NECTIN3: variants seen among roughly 807,000 people sequenced by gnomAD.
The protein encoded by NECTIN3 is nectin cell adhesion molecule 3.
NECTIN3 carries 8 observed loss-of-function variants against 49.4 expected under a neutral mutation model. That is an observed-to-expected ratio of 0.16 (90% confidence interval 0.10 to 0.29). The LOEUF (loss-of-function observed/expected upper bound fraction) is 0.29, where lower values mean the gene tolerates loss of function less well. NECTIN3 is among the 10% of genes least tolerant of loss of function. The pLI is 1.00. For missense variants in NECTIN3, 581 were observed against 654.6 expected (o/e 0.89, Z 1.23); for synonymous variants, 277 against 241.1 (o/e 1.15, Z -1.38).
At chr3:111,169,076 A>G (rs2035381359) in intron 7 of NECTIN3, among the ~76,000 whole-genome samples, 1 of 146,710 alleles carries the variant, frequency 6.8e-6, no homozygotes, top group African/African-American at 2.6e-5. Flanking sequence ...AGGACTATTC[A>G]AACTTTTTTT....
chr3:111,128,276 G>T (rs191677312), intron 5 of NECTIN3, among the ~76,000 whole-genome samples: 1 of 151,122 alleles, frequency 6.6e-6, no homozygotes, highest in East Asian at 1.9e-4. Context: ...GGCAGAGATT[G>T]CAGTGAGCCC....
intron 1 of NECTIN3, among the ~76,000 whole-genome samples, chr3:111,106,047 T>C (rs1435137283): frequency 2.6e-4 from 40 of 151,850 alleles, no homozygotes; most frequent in Non-Finnish European, 2.9e-5. Flanking sequence ...CTGTAGGTAC[T>C]TTCTTCACTT....
intron 1 of NECTIN3, among the ~76,000 whole-genome samples, chr3:111,193,048 A>G (rs1418426175): frequency 6.6e-6 from 1 of 152,202 alleles, no homozygotes; most frequent in Non-Finnish European, 1.5e-5. Context: ...GGAAAATATA[A>G]GTTGTTGAAC....
intron 7 of NECTIN3, among the ~76,000 whole-genome samples, chr3:111,162,226 TAAAAG>T: frequency 6.6e-6 from 1 of 152,178 alleles, no homozygotes; most frequent in East Asian, 1.9e-4. Flanking sequence ...CAGTCATAGT[TAAAAG>T]GAAATAGTTG....
chr3:111,101,120 C>A (rs1000482382), intron 1 of NECTIN3, among the ~76,000 whole-genome samples: 3 of 152,030 alleles, frequency 2.0e-5, no homozygotes, highest in Non-Finnish European at 4.4e-5. Flanking sequence ...TCAGATACCC[C>A]CTAAGGTCTC....
intron 1 of NECTIN3, among the ~76,000 whole-genome samples, chr3:111,103,467 T>TA (rs1327235718): frequency 6.6e-6 from 1 of 150,600 alleles, no homozygotes; most frequent in Non-Finnish European, 1.5e-5. Flanking sequence ...TTTTTTTTTT[T>TA]AAATTAACTT....
rs1576186922 is a variant in NECTIN3 at position 111,185,063 on chromosome 3, A to G, written c.1222-7288A>G. 2.6e-5 allele frequency among the ~76,000 whole-genome samples: 4 copies of G among 152,180 alleles called. No individual in the cohort carries two copies. The South Asian group carries it at 8.3e-4, about 32-fold the overall frequency. ...CTCCCTAGCAAATTTTCTTTCTCCA[A>G]CAGTTATTCTTTGCTCTGTGCATGC... On this transcript the variant is annotated intron_variant, in intron 7 of 8. Transcript: ENST00000493615.
chr3:111,122,230 G>A lies in NECTIN3; in HGVS notation c.909G>A (p.Val303=), dbSNP rs1330592832. 3.1e-6 allele frequency: 5 copies of A among 1,601,754 alleles called. No homozygotes were observed. The highest frequency in any genetic ancestry group is 1.7e-4 in the Middle Eastern group (1 of 6,058). Residue 303 remains valine (V), a synonymous_variant, in exon 4 of 6, where the codon GTG becomes GTA. Coordinates refer to ENST00000485303, the MANE Select transcript of NECTIN3 (RefSeq NM_015480.3). ...ADANPPPFKS[V]WSRLDGQWPD... is the part of the protein sequence containing the mutation. ...CAAATCCACCACCCTTCAAATCTGT[G>A]TGGAGCAGGTAATGTTATATACTTC...
intron 5 of NECTIN3, among the ~76,000 whole-genome samples, chr3:111,128,159 GA>G (rs956489710): frequency 6.6e-6 from 1 of 151,884 alleles, no homozygotes; most frequent in Non-Finnish European, 1.5e-5. Flanking sequence ...CCACTATGGT[GA>G]AAACCTGTCT....
intron 5 of NECTIN3, chr3:111,144,824 A>G (rs556918177): frequency 1.0e-4 from 150 of 1,439,030 alleles, no homozygotes; most frequent in African/African-American, 7.4e-4. Flanking sequence ...TAGTTTGCAC[A>G]TTGTAGAAAA....
At chr3:111,172,925 A>G (rs1219982859) in intron 7 of NECTIN3, among the ~76,000 whole-genome samples, 1 of 152,332 alleles carries the variant, frequency 6.6e-6, no homozygotes, top group East Asian at 1.9e-4. Context: ...TGCTTTGGAT[A>G]AAAAGTGATA....
At chr3:111,139,874 T>C (rs2034696510), downstream of NECTIN3, among the ~76,000 whole-genome samples, 1 of 151,762 alleles carries the variant, frequency 6.6e-6, no homozygotes, top group Admixed American at 6.6e-5. Context: ...TGATAATATA[T>C]TTAACATGTT....
intron 5 of NECTIN3, among the ~76,000 whole-genome samples, chr3:111,127,670 A>G (rs559939377): frequency 7.2e-5 from 11 of 151,986 alleles, no homozygotes; most frequent in South Asian, 4.2e-4. Flanking sequence ...GGCTCAAGCA[A>G]TCCTCCCACC....
intron 1 of NECTIN3, among the ~76,000 whole-genome samples, chr3:111,110,423 T>C (rs192092997): frequency 6.6e-6 from 1 of 152,158 alleles, no homozygotes; most frequent in Admixed American, 6.6e-5. Context: ...AAGAAAGTCA[T>C]GTGAGCTTTT....
At chr3:111,131,698 A>G (rs1183120317) in intron 5 of NECTIN3, among the ~76,000 whole-genome samples, 1 of 151,918 alleles carries the variant, frequency 6.6e-6, no homozygotes, top group Non-Finnish European at 1.5e-5. Flanking sequence ...ATTTGTGTTC[A>G]TATAAAGAAA....
downstream of NECTIN3, among the ~76,000 whole-genome samples, chr3:111,139,173 A>T (rs193262699): frequency 6.6e-6 from 1 of 151,852 alleles, no homozygotes; most frequent in Admixed American, 6.6e-5. Flanking sequence ...ACCTTTTTAG[A>T]AAGTAACCAC....
At chr3:111,109,807 A>T (rs1049960318) in intron 1 of NECTIN3, among the ~76,000 whole-genome samples, 2 of 151,968 alleles carry the variant, frequency 1.3e-5, no homozygotes, top group Admixed American at 6.6e-5. Context: ...TTTTAAAAAA[A>T]TTTTATCAGG....
At chr3:111,164,960 A>G (rs189233453) in intron 7 of NECTIN3, among the ~76,000 whole-genome samples, 1 of 152,312 alleles carries the variant, frequency 6.6e-6, no homozygotes, top group Non-Finnish European at 1.5e-5. Flanking sequence ...TGCCTGTTTC[A>G]TCTTTTATTG....
intron 5 of NECTIN3, among the ~76,000 whole-genome samples, chr3:111,127,460 ACTTT>A (rs2034208967): frequency 7.1e-6 from 1 of 141,494 alleles, no homozygotes; most frequent in African/African-American, 2.8e-5. Flanking sequence ...AGAGGTGCAA[ACTTT>A]CTTTTTTTTT....
Sources: gnomAD v4.1 joint callset for allele counts (sites outside exome capture counted in the v4.1 genomes callset) on GRCh38, gnomAD v4.1.1 for gene constraint, MANE v1.5 for transcripts, NCBI Gene and HGNC (gene_info 2026-07-23, HGNC 2026-07-21) for gene names.